Variants in TBC1D22A observed in about 807,000 individuals in gnomAD.
TBC1D22A encodes the protein TBC1 domain family member 22A, also known as putative GTPase activator.
Under a neutral mutation model 60.2 loss-of-function variants are expected in TBC1D22A, and 38 were observed. The observed-to-expected ratio is 0.63, with a 90% CI of 0.49 to 0.83. The LOEUF is 0.83. Among genes scored for constraint, TBC1D22A ranks in the 40% least tolerant of loss-of-function variants. The pLI is 0.00. For synonymous variants in TBC1D22A, 302 were observed against 281.7 expected, an observed-to-expected ratio of 1.07 and a Z score of -0.72; for missense variants, 628 against 701.0, an observed-to-expected ratio of 0.90 and a Z score of 1.18.
intron 12 of TBC1D22A, among the ~76,000 whole-genome samples, chr22:47,114,040 C>T (rs1439397569): frequency 1.3e-5 from 2 of 152,216 alleles, no homozygotes; most frequent in Non-Finnish European, 2.9e-5. Context: ...AAGGTGCCCT[C>T]ATTCCTCACC....
intron 12 of TBC1D22A, among the ~76,000 whole-genome samples, chr22:47,162,261 A>C (rs1397443399): frequency 1.3e-5 from 2 of 148,738 alleles, no homozygotes; most frequent in Non-Finnish European, 3.0e-5. Flanking sequence ...TTCCTCCTGG[A>C]CTGGGAGTCA....
chr22:46,840,373 T>C (rs1019353320), intron 4 of TBC1D22A, among the ~76,000 whole-genome samples: 3 of 152,214 alleles, frequency 2.0e-5, no homozygotes, highest in Non-Finnish European at 4.4e-5. Context: ...TCAACATCAC[T>C]AATCAGAGAA....
At chr22:46,944,452 G>A (rs566809859) in intron 8 of TBC1D22A, among the ~76,000 whole-genome samples, 4 of 152,250 alleles carry the variant, frequency 2.6e-5, no homozygotes, top group East Asian at 1.9e-4. Context: ...AGGCTGGAGT[G>A]CAGTGGCGCA....
intron 4 of TBC1D22A, among the ~76,000 whole-genome samples, chr22:46,817,176 A>G (rs1044921591): frequency 2.6e-5 from 4 of 151,496 alleles, no homozygotes; most frequent in Non-Finnish European, 5.9e-5. Context: ...ACTTCTACCC[A>G]TTGGCTGTAA....
intron 1 of TBC1D22A, among the ~76,000 whole-genome samples, chr22:46,787,022 A>G (rs1440329597): frequency 1.3e-5 from 2 of 152,068 alleles, no homozygotes; most frequent in Non-Finnish European, 2.9e-5. Flanking sequence ...GTATCTAGTC[A>G]TATTTCCTCC....
intron 4 of TBC1D22A, among the ~76,000 whole-genome samples, chr22:46,856,263 A>G (rs917920162): frequency 1.3e-5 from 2 of 152,242 alleles, no homozygotes; most frequent in Non-Finnish European, 2.9e-5. Context: ...GCGTAGCATC[A>G]GAACGATTAT....
At position 47,174,626 on chromosome 22, in the gene TBC1D22A, T is replaced by C. The variant is rs1184853107; in HGVS notation, c.*1000T>C. The C allele has an allele frequency of 6.6e-6, 1 of 151,164 alleles. No individual in the cohort carries two copies. The highest frequency in any genetic ancestry group is 1.5e-5 in the Non-Finnish European group (1 of 67,746). 9.4% of individuals were successfully genotyped at this position (151,164 alleles called of 1,614,324 possible). A position where few individuals can be genotyped will look rare whatever the true frequency, so the allele number is the denominator to read the frequency against. ...GTTCCATCATGGACCGGTTCCTCCA[T>C]GGACCGGTTCCTCCGTGGACCGGTT... On this transcript the variant is annotated 3_prime_UTR_variant, in exon 13 of 13. Coordinates refer to ENST00000337137, the MANE Select transcript of TBC1D22A (RefSeq NM_014346.5).
At chr22:46,813,629 T>C (rs1407822760) in intron 4 of TBC1D22A, among the ~76,000 whole-genome samples, 1 of 152,226 alleles carries the variant, frequency 6.6e-6, no homozygotes, top group African/African-American at 2.4e-5. Flanking sequence ...CTGCCGCAGA[T>C]AATACGGTAG....
intron 10 of TBC1D22A, among the ~76,000 whole-genome samples, chr22:47,030,749 A>G (rs1441411740): frequency 6.6e-6 from 1 of 152,270 alleles, no homozygotes; most frequent in Non-Finnish European, 1.5e-5. Context: ...GTGAAAGAGC[A>G]TCTGCTCGCA....
intron 10 of TBC1D22A, among the ~76,000 whole-genome samples, chr22:47,027,991 G>A (rs781301600): frequency 2.0e-5 from 3 of 152,144 alleles, no homozygotes; most frequent in South Asian, 2.1e-4. Flanking sequence ...AAGCGGCTCC[G>A]TCATCTGCAT....
Position 46,967,570 on chromosome 22 carries a change from C to T in TBC1D22A, c.1016-6720C>T, listed in dbSNP as rs982625686. On this transcript the variant is annotated intron_variant, in intron 8 of 12. Transcript: ENST00000337137. ...TAGCTCCCTCCTTGGCACTCCCCGT[C>T]GGGGCTGGCTCTTACCGACAGCGTT... Among the ~76,000 whole-genome samples the T allele has an allele frequency of 3.3e-5, 5 of 152,328 alleles. No homozygotes were observed. In the South Asian group the frequency reaches 6.2e-4, roughly 19 times the overall value.
At position 47,059,714 on chromosome 22, in the gene TBC1D22A, G is replaced by A. The variant is rs999074107; in HGVS notation, c.1329+22516G>A. On this transcript the variant is annotated intron_variant, in intron 11 of 12. Coordinates refer to ENST00000337137, the MANE Select transcript of TBC1D22A (RefSeq NM_014346.5). Reference sequence around the variant, plus strand: ...CTAATTGGAATGAAATGCAGGTGCCGTTTCTGCCTGAGCTCCAGCAGCATC... The same window carrying A: ...CTAATTGGAATGAAATGCAGGTGCCATTTCTGCCTGAGCTCCAGCAGCATC... Among the ~76,000 whole-genome samples the A allele has an allele frequency of 5.3e-5, 8 of 152,142 alleles. No homozygotes were observed. In the South Asian group the frequency reaches 8.3e-4, roughly 16 times the overall value.
chr22:47,101,990 T>C (rs2065435465), intron 11 of TBC1D22A, among the ~76,000 whole-genome samples: 1 of 152,184 alleles, frequency 6.6e-6, no homozygotes, highest in Non-Finnish European at 1.5e-5. Context: ...CTTTTTGGCT[T>C]TCTGCTGGGA....
intron 8 of TBC1D22A, among the ~76,000 whole-genome samples, chr22:46,949,910 G>A (rs559250172): frequency 6.6e-6 from 1 of 152,364 alleles, no homozygotes; most frequent in Admixed American, 6.5e-5. Context: ...GCTGGGGCTG[G>A]AGCAGCCTGA....
intron 11 of TBC1D22A, among the ~76,000 whole-genome samples, chr22:47,075,084 A>T (rs1218693609): frequency 6.6e-6 from 1 of 152,104 alleles, no homozygotes; most frequent in Non-Finnish European, 1.5e-5. Context: ...TTAGCCACGC[A>T]TGTTGGCGGG....
chr22:46,834,270 G>T (rs1309766876), intron 4 of TBC1D22A, among the ~76,000 whole-genome samples: 6 of 152,112 alleles, frequency 3.9e-5, no homozygotes, highest in Non-Finnish European at 8.8e-5. Context: ...GGAGTTTTCA[G>T]CCCTCATCCC....
At chr22:46,843,735 G>A (rs1390182748) in intron 4 of TBC1D22A, among the ~76,000 whole-genome samples, 1 of 152,114 alleles carries the variant, frequency 6.6e-6, no homozygotes, top group Admixed American at 6.5e-5. Context: ...TGGGTAAACT[G>A]AGATGTATGA....
chr22:46,842,552 A>T (rs1208669063), intron 4 of TBC1D22A, among the ~76,000 whole-genome samples: 1 of 152,356 alleles, frequency 6.6e-6, no homozygotes. Context: ...TTGAGTATGC[A>T]TGTCATTAAC....
chr22:46,805,446 C>G (rs1300112804), intron 4 of TBC1D22A, among the ~76,000 whole-genome samples: 1 of 152,236 alleles, frequency 6.6e-6, no homozygotes, highest in Non-Finnish European at 1.5e-5. Context: ...TAGCTGTTGG[C>G]ACTGGTTCAC....
Sources: gnomAD v4.1 joint callset for allele counts (sites outside exome capture counted in the v4.1 genomes callset) on GRCh38, gnomAD v4.1.1 for gene constraint, MANE v1.5 for transcripts, NCBI Gene and HGNC (gene_info 2026-07-23, HGNC 2026-07-21) for gene names.